HS6ST3: variants seen among roughly 807,000 people sequenced by gnomAD.
HS6ST3 encodes heparan sulfate 6-O-sulfotransferase 3.
Under a neutral mutation model 36.7 loss-of-function variants are expected in HS6ST3, and 12 were observed. The observed-to-expected ratio is 0.33, with a 90% CI of 0.21 to 0.53. HS6ST3 has a LOEUF of 0.53. HS6ST3 is among the 20% of genes least tolerant of loss of function. HS6ST3 has a pLI of 0.95. For missense variants in HS6ST3, 584 were observed against 640.9 expected, an observed-to-expected ratio of 0.91 and a Z score of 0.96; for synonymous variants, 240 against 257.5, an observed-to-expected ratio of 0.93 and a Z score of 0.65.
intron 1 of HS6ST3, among the ~76,000 whole-genome samples, chr13:96,570,024 T>A (rs2056295381): frequency 6.6e-6 from 1 of 152,228 alleles, no homozygotes; most frequent in Non-Finnish European, 1.5e-5. Flanking sequence ...AAGGGATGTA[T>A]AAATAAAACT....
At chr13:96,095,863 G>GGTGTGTGTGTGTGTGTGTGTGTGT (rs141939376) in intron 1 of HS6ST3, among the ~76,000 whole-genome samples, 26 of 140,406 alleles carry the variant, frequency 1.9e-4, no homozygotes, top group African/African-American at 6.2e-4. Flanking sequence ...TTATATGACT[G>GGTGTGTGTGTGTGTGTGTGTGTGT]GTGTGTGTGT....
intron 1 of HS6ST3, among the ~76,000 whole-genome samples, chr13:96,429,199 C>G (rs1173085734): frequency 6.6e-6 from 1 of 152,124 alleles, no homozygotes; most frequent in African/African-American, 2.4e-5. Flanking sequence ...ACAAGAACAG[C>G]TTTTAATTAA....
chr13:96,465,173 T>C (rs2055806137), intron 1 of HS6ST3, among the ~76,000 whole-genome samples: 1 of 152,184 alleles, frequency 6.6e-6, no homozygotes, highest in Non-Finnish European at 1.5e-5. Context: ...ATAACTACTC[T>C]GGAAAACACT....
At chr13:96,194,762 G>A (rs1489393298) in intron 1 of HS6ST3, among the ~76,000 whole-genome samples, 1 of 131,492 alleles carries the variant, frequency 7.6e-6, no homozygotes, top group African/African-American at 2.9e-5. Context: ...ACAAGCCCCC[G>A]CCATCCATTT....
chr13:96,596,697 G>C (rs1271849575), intron 1 of HS6ST3, among the ~76,000 whole-genome samples: 1 of 152,134 alleles, frequency 6.6e-6, no homozygotes, highest in Non-Finnish European at 1.5e-5. Flanking sequence ...TGATGGCAAG[G>C]TTGTGGAGAA....
chr13:96,741,101 A>G (rs2138484985), intron 1 of HS6ST3, among the ~76,000 whole-genome samples: 1 of 152,298 alleles, frequency 6.6e-6, no homozygotes, highest in East Asian at 1.9e-4. Flanking sequence ...CTGGAAAACA[A>G]TTTACTGCCA....
At chr13:96,588,718 G>C (rs2056371294) in intron 1 of HS6ST3, among the ~76,000 whole-genome samples, 1 of 151,994 alleles carries the variant, frequency 6.6e-6, no homozygotes. Flanking sequence ...TTTGTGTTTA[G>C]TATCAGGGTG....
intron 1 of HS6ST3, among the ~76,000 whole-genome samples, chr13:96,211,440 C>A (rs1434743858): frequency 6.6e-6 from 1 of 152,162 alleles, no homozygotes; most frequent in Non-Finnish European, 1.5e-5. Context: ...CAATGTTCAG[C>A]TTGCACTTTC....
At chr13:96,659,831 A>G (rs2056640208) in intron 1 of HS6ST3, among the ~76,000 whole-genome samples, 1 of 152,092 alleles carries the variant, frequency 6.6e-6, no homozygotes, top group African/African-American at 2.4e-5. Flanking sequence ...TTTCTGGACT[A>G]TCTCTTCTGT....
chr13:96,326,762 C>T (rs2055034169), intron 1 of HS6ST3, among the ~76,000 whole-genome samples: 1 of 151,962 alleles, frequency 6.6e-6, no homozygotes, highest in Non-Finnish European at 1.5e-5. Context: ...ACACTGTCTT[C>T]CACAATGGTT....
intron 1 of HS6ST3, among the ~76,000 whole-genome samples, chr13:96,718,101 C>T (rs1486222393): frequency 6.6e-6 from 1 of 152,144 alleles, no homozygotes; most frequent in Non-Finnish European, 1.5e-5. Flanking sequence ...GTGGAGATGT[C>T]CTGAATGCCC....
chr13:96,144,091 T>C (rs547145350), intron 1 of HS6ST3, among the ~76,000 whole-genome samples: 1 of 152,318 alleles, frequency 6.6e-6, no homozygotes, highest in South Asian at 2.1e-4. Flanking sequence ...CTACCCCTGC[T>C]GTTGCTTAAC....
intron 1 of HS6ST3, among the ~76,000 whole-genome samples, chr13:96,771,156 C>T (rs748125955): frequency 1.3e-5 from 2 of 151,588 alleles, no homozygotes; most frequent in Non-Finnish European, 2.9e-5. Flanking sequence ...TTCTAGTTAG[C>T]AAACTATCGC....
chr13:96,334,067 A>G (rs1762269259), intron 1 of HS6ST3, among the ~76,000 whole-genome samples: 1 of 152,324 alleles, frequency 6.6e-6, no homozygotes, highest in Middle Eastern at 3.4e-3. Flanking sequence ...CTATCAGGGA[A>G]GTGACTGTAG....
At chr13:96,286,513 A>T (rs762353016) in intron 1 of HS6ST3, among the ~76,000 whole-genome samples, 1 of 152,198 alleles carries the variant, frequency 6.6e-6, no homozygotes, top group Non-Finnish European at 1.5e-5. Context: ...CAAAACACAG[A>T]TGAATAGAAT....
At chr13:96,408,872 C>T (rs2055492359) in intron 1 of HS6ST3, among the ~76,000 whole-genome samples, 1 of 151,714 alleles carries the variant, frequency 6.6e-6, no homozygotes, top group Admixed American at 6.6e-5. Flanking sequence ...TGCAGTGAGC[C>T]GAGATGGTGC....
intron 1 of HS6ST3, among the ~76,000 whole-genome samples, chr13:96,573,001 C>A (rs544765486): frequency 3.9e-5 from 6 of 152,218 alleles, no homozygotes; most frequent in African/African-American, 1.4e-4. Context: ...ATTCAATGAA[C>A]AATTCATTTT....
At chr13:96,492,117 C>T (rs59283419) in intron 1 of HS6ST3, among the ~76,000 whole-genome samples, 4 of 152,034 alleles carry the variant, frequency 2.6e-5, no homozygotes, top group Non-Finnish European at 5.9e-5. Flanking sequence ...AGGTAGGTAA[C>T]GTTGCTTTTG....
At chr13:96,729,189 T>G (rs1265099437) in intron 1 of HS6ST3, among the ~76,000 whole-genome samples, 1 of 151,964 alleles carries the variant, frequency 6.6e-6, no homozygotes, top group Non-Finnish European at 1.5e-5. Flanking sequence ...GGGAAGGGTG[T>G]TTTTCCTTTA....
Sources: gnomAD v4.1 joint callset for allele counts (sites outside exome capture counted in the v4.1 genomes callset) on GRCh38, gnomAD v4.1.1 for gene constraint, MANE v1.5 for transcripts, NCBI Gene and HGNC (gene_info 2026-07-23, HGNC 2026-07-21) for gene names.